The following SCAMP2 variants were observed in gnomAD, a reference collection of about 807,000 sequenced individuals.
SCAMP2 encodes the protein secretory carrier membrane protein 2.
A neutral mutation model predicts 44.1 loss-of-function variants in SCAMP2; 25 were observed. That is an observed-to-expected ratio of 0.57 (90% CI 0.41 to 0.79). The LOEUF (loss-of-function observed/expected upper bound fraction) is 0.79, where lower values mean the gene tolerates loss of function less well. Ranked by LOEUF, SCAMP2 falls within the 30% of genes least tolerant of loss-of-function variation. SCAMP2 has a pLI of 0.00. For synonymous variants in SCAMP2, 156 were observed against 166.0 expected, an observed-to-expected ratio of 0.94 and a Z score of 0.46; for missense variants, 355 against 411.0, an observed-to-expected ratio of 0.86 and a Z score of 1.18.
intron 8 of SCAMP2, 109 bp downstream of exon 8, chr15:74,845,364 T>C: frequency 6.3e-7 from 1 of 1,594,904 alleles, no homozygotes; most frequent in Non-Finnish European, 8.6e-7. Flanking sequence ...ACTGGACCTT[T>C]GGGGGCCTAG....
chr15:74,853,936 C>T, intron 3 of SCAMP2, 85 bp downstream of exon 3: 2 of 1,247,524 alleles, frequency 1.6e-6, no homozygotes, highest in South Asian at 1.2e-5. Context: ...AAGCTCTCTG[C>T]TTGCCCCCAG....
chr15:74,869,846 C>T (rs999428432), intron 1 of SCAMP2, among the ~76,000 whole-genome samples: 3 of 152,186 alleles, frequency 2.0e-5, no homozygotes, highest in Non-Finnish European at 2.9e-5. Context: ...TCTCCACCTG[C>T]TCTCTCCTGA....
intron 1 of SCAMP2, among the ~76,000 whole-genome samples, chr15:74,865,785 CAA>C (rs768984095): frequency 2.2e-5 from 2 of 90,638 alleles, no homozygotes; most frequent in Non-Finnish European, 4.0e-5. Flanking sequence ...CTCATTTCTC[CAA>C]AAAAAAAAAA....
chr15:74,862,917 G>GA (rs1366548731), intron 1 of SCAMP2, among the ~76,000 whole-genome samples: 1 of 113,586 alleles, frequency 8.8e-6, no homozygotes, highest in African/African-American at 3.4e-5. Context: ...AAAAGAGAAA[G>GA]AAAAAAAAAT....
chr15:74,844,862 G>A lies in SCAMP2; in HGVS notation c.*221C>T. 3.8e-6 allele frequency: 2 copies of A among 522,384 alleles called. No homozygotes were observed. The highest frequency in any genetic ancestry group is 2.6e-5 in the South Asian group (1 of 37,930). The allele number at this position is 522,384 out of a possible 1,614,324, so 32.4% of individuals were successfully genotyped here. A position where few individuals can be genotyped will look rare whatever the true frequency, so the allele number is the denominator to read the frequency against. On this transcript the variant is annotated 3_prime_UTR_variant, in exon 9 of 9. Transcript: ENST00000268099. ...AGAATCCTACCAAACCATCACCAGA[G>A]AAGGAAAGAGAGCTTTGTTTTTTTT...
At chr15:74,854,180 G>T in intron 2 of SCAMP2, 61 bp from the exon 3 acceptor site, 1 of 1,435,750 alleles carries the variant, frequency 7.0e-7, no homozygotes, top group Non-Finnish European at 9.8e-7. Context: ...TGACGAGGGG[G>T]CAAACCCACA....
chr15:74,848,633 A>G lies in SCAMP2; in HGVS notation c.701T>C (p.Ile234Thr). The G allele has an allele frequency of 6.2e-7, 1 of 1,613,404 alleles. No homozygotes were observed. Among genetic ancestry groups the G allele is most frequent in the Non-Finnish European group, 8.5e-7 (1 of 1,179,366 alleles). Residue 234 changes from isoleucine (I) to threonine (T), a missense_variant, in exon 7 of 9, where the codon ATC (isoleucine) becomes ACC (threonine). Ile to Thr is a moderately conservative substitution (Grantham distance 89). Coordinates refer to ENST00000268099, the MANE Select transcript of SCAMP2 (RefSeq NM_005697.5). The stretch of plus-strand genomic sequence containing the variant: ...CAGGCCAGGGATGCCAACCAACTGG[A>G]TGATGTAGATCCCTATTTGACAAAA... The part of the protein sequence containing the change: ...VFFCQIGIYI[I>T]QLVGIPGLGD...
In SCAMP2 at chr15:74,844,885, T is replaced by G; in HGVS notation, c.*198A>C. 1 of 565,122 alleles carries G rather than the reference T, an allele frequency of 1.8e-6. No individual in the cohort carries two copies. Among genetic ancestry groups the G allele is most frequent in the Middle Eastern group, 4.9e-4 (1 of 2,060 alleles). The allele number at this position is 565,122 out of a possible 1,614,324, so 35.0% of individuals were successfully genotyped here. On this transcript the variant is annotated 3_prime_UTR_variant, in exon 9 of 9. Coordinates refer to ENST00000268099, the MANE Select transcript of SCAMP2 (RefSeq NM_005697.5). ...GAGAAGGAAAGAGAGCTTTGTTTTT[T>G]TTTGTACATAGAGGGGGAAAAAATT...
intron 1 of SCAMP2, among the ~76,000 whole-genome samples, chr15:74,861,462 T>C (rs1005423003): frequency 2.0e-5 from 3 of 152,148 alleles, no homozygotes; most frequent in African/African-American, 7.2e-5. Flanking sequence ...ATGATATTCA[T>C]AGGACCAGGA....
rs1003960193 is a variant in SCAMP2, at chr15:74,858,903, G to A, written c.58-4254C>T. On this transcript the variant is annotated intron_variant, in intron 1 of 8. Transcript: ENST00000268099. ...TCTCAGCTCACTGCAAGCTCTCCCG[G>A]GTTCACACCATTCTCCTGCCTCAGC... Among the ~76,000 whole-genome samples, 4 of 149,882 alleles carry A rather than the reference G, an allele frequency of 2.7e-5. No individual in the cohort carries two copies. In the South Asian group the frequency reaches 8.5e-4, roughly 32 times the overall value.
chr15:74,855,216 G>C (rs2064461120), intron 1 of SCAMP2, among the ~76,000 whole-genome samples: 1 of 151,986 alleles, frequency 6.6e-6, no homozygotes, highest in Non-Finnish European at 1.5e-5. Context: ...CGATTCTCCT[G>C]CCTCAGCCTC....
intron 6 of SCAMP2, 88 bp from the exon 7 acceptor site, chr15:74,848,789 G>A (rs775624132): frequency 4.6e-5 from 42 of 918,956 alleles, no homozygotes; most frequent in Non-Finnish European, 5.4e-5. Context: ...TCCTCACTAG[G>A]AGCCAGGAGG....
intron 1 of SCAMP2, among the ~76,000 whole-genome samples, chr15:74,861,151 G>A (rs1198587863): frequency 6.6e-6 from 1 of 152,098 alleles, no homozygotes; most frequent in African/African-American, 2.4e-5. Context: ...CTCCAGCCTG[G>A]GCAACAGAGC....
In SCAMP2 at chr15:74,848,624, A is replaced by G. The variant is rs1390388831; in HGVS notation, c.710T>C (p.Val237Ala). Reference sequence around the variant, plus strand: ...CCTGTCCCCCAGGCCAGGGATGCCAACCAACTGGATGATGTAGATCCCTAT... The same window carrying G: ...CCTGTCCCCCAGGCCAGGGATGCCAGCCAACTGGATGATGTAGATCCCTAT... ...CQIGIYIIQL[V>A]GIPGLGDSGW... Residue 237 changes from valine (V) to alanine (A), a missense_variant, in exon 7 of 9, where the codon GTT becomes GCT. Coordinates refer to ENST00000268099, the MANE Select transcript of SCAMP2 (RefSeq NM_005697.5). The G allele has an allele frequency of 1.2e-6, 2 of 1,612,658 alleles. No individual in the cohort carries two copies. Among genetic ancestry groups the G allele is most frequent in the Non-Finnish European group, 1.7e-6 (2 of 1,178,804 alleles).
intron 1 of SCAMP2, among the ~76,000 whole-genome samples, chr15:74,872,531 C>A (rs1357013771): frequency 2.0e-5 from 3 of 152,198 alleles, no homozygotes; most frequent in Non-Finnish European, 4.4e-5. Context: ...CACAGTCCCC[C>A]GCACCTCTCC....
intron 1 of SCAMP2, among the ~76,000 whole-genome samples, chr15:74,858,055 GA>G (rs1366047346): frequency 6.6e-6 from 1 of 152,190 alleles, no homozygotes; most frequent in Non-Finnish European, 1.5e-5. Flanking sequence ...GAGACAAGTG[GA>G]TATTTTCCCA....
chr15:74,872,645 A>G (rs1269198172), intron 1 of SCAMP2, among the ~76,000 whole-genome samples: 2 of 152,080 alleles, frequency 1.3e-5, no homozygotes, highest in African/African-American at 4.8e-5. Context: ...AACTTGGGCT[A>G]CCTTCCCGCC....
Position 74,873,195 on chromosome 15 carries a change from C to G in SCAMP2, c.57+4G>C, listed in dbSNP as rs569664159. On this transcript the variant is annotated splice_donor_region_variant and intron_variant, in intron 1 of 8. Coordinates refer to ENST00000268099, the MANE Select transcript of SCAMP2 (RefSeq NM_005697.5). ...AGAGCTGGATGGCGGGAGAGGGGCT[C>G]TACCTGGAAGGGGTTTACATCCACT... 1.4e-6 allele frequency: 2 copies of G among 1,439,914 alleles called. No homozygotes were observed. The highest frequency in any genetic ancestry group is 3.0e-5 in the South Asian group (2 of 66,396). 89.2% of individuals were successfully genotyped at this position (1,439,914 alleles called of 1,614,324 possible). A position where few individuals can be genotyped will look rare whatever the true frequency, so the allele number is the denominator to read the frequency against.
chr15:74,852,306 A>T, intron 3 of SCAMP2, 120 bp from the exon 4 acceptor site: 1 of 606,308 alleles, frequency 1.6e-6, no homozygotes, highest in Non-Finnish European at 2.6e-6. Context: ...GGAGTCCCAG[A>T]AGCAGTCCCC....
Sources: gnomAD v4.1 joint callset for allele counts (sites outside exome capture counted in the v4.1 genomes callset) on GRCh38, gnomAD v4.1.1 for gene constraint, MANE v1.5 for transcripts, NCBI Gene and HGNC (gene_info 2026-07-23, HGNC 2026-07-21) for gene names.